Variants in OPHN1 observed in about 807,000 individuals in gnomAD.
The protein encoded by OPHN1 is oligophrenin 1, also known as oligophrenin-1.
Under a neutral mutation model 60.7 loss-of-function variants are expected in OPHN1, and 11 were observed. The ratio of observed to expected loss-of-function variants is 0.18; its 90% confidence interval spans 0.11 to 0.30. The LOEUF (loss-of-function observed/expected upper bound fraction) is 0.30, where lower values mean the gene tolerates loss of function less well. Among genes scored for constraint, OPHN1 ranks in the 10% least tolerant of loss-of-function variants. The probability of loss-of-function intolerance (pLI) is 1.00; values close to 1 mark genes in which losing one functional copy is unlikely to be tolerated. For synonymous variants in OPHN1, 226 were observed against 222.6 expected, an observed-to-expected ratio of 1.02 and a Z score of -0.14; for missense variants, 449 against 611.0, an observed-to-expected ratio of 0.73 and a Z score of 2.80.
intron 2 of OPHN1, among the ~76,000 whole-genome samples, chrX:68,322,339 A>G (rs1316665429): frequency 8.9e-6 from 1 of 111,855 alleles, no homozygotes; most frequent in Non-Finnish European, 1.9e-5. Context: ...ATCCCAGAGA[A>G]AACAAAACAT....
chrX:68,281,154 T>C (rs1308294555), intron 4 of OPHN1, among the ~76,000 whole-genome samples: 2 of 111,949 alleles, frequency 1.8e-5, no homozygotes, highest in African/African-American at 6.5e-5. Flanking sequence ...ACTTCAATGC[T>C]TTTTACTACA....
chrX:68,172,307 C>T (rs2077395278), intron 15 of OPHN1, among the ~76,000 whole-genome samples: 1 of 111,824 alleles, frequency 8.9e-6, no homozygotes, highest in Non-Finnish European at 1.9e-5. Flanking sequence ...ATGGGTATAT[C>T]ATGGATGATT....
intron 3 of OPHN1, among the ~76,000 whole-genome samples, chrX:68,291,584 G>T (rs2078071109): frequency 9.0e-6 from 1 of 111,300 alleles, no homozygotes; most frequent in South Asian, 3.9e-4. Flanking sequence ...ACACTGGGTT[G>T]TGCCCTGCTT....
chrX:68,259,578 T>C (rs773171281), intron 5 of OPHN1, among the ~76,000 whole-genome samples: 6 of 112,169 alleles, frequency 5.3e-5, no homozygotes, highest in African/African-American at 1.3e-4. Context: ...ATGTACTATA[T>C]GTACCAAACT....
intron 21 of OPHN1, among the ~76,000 whole-genome samples, 170 bp downstream of exon 21, chrX:68,063,684 A>C (rs760530019): frequency 8.9e-6 from 1 of 112,244 alleles, no homozygotes; most frequent in South Asian, 3.7e-4. Context: ...TGGAGCTTAC[A>C]TTCTAGTGAT....
chrX:68,295,862 T>A (rs2078092337), intron 3 of OPHN1, among the ~76,000 whole-genome samples: 1 of 111,759 alleles, frequency 8.9e-6, no homozygotes, highest in Non-Finnish European at 1.9e-5. Context: ...TAATGAAAAA[T>A]TTTTAATGAG....
chrX:68,164,551 C>T (rs1031555627), intron 15 of OPHN1, among the ~76,000 whole-genome samples: 5 of 111,808 alleles, frequency 4.5e-5, no homozygotes, highest in South Asian at 3.7e-4. Flanking sequence ...TTCAGTAAAT[C>T]GTGCTGTAAA....
intron 2 of OPHN1, among the ~76,000 whole-genome samples, chrX:68,395,091 G>GAGTA (rs375590308): frequency 4.5e-5 from 5 of 110,047 alleles, no homozygotes; most frequent in African/African-American, 1.7e-4. Flanking sequence ...GAGTAGCTGG[G>GAGTA]ATTACAGGCA....
chrX:68,386,252 CCT>C (rs1024279184), intron 2 of OPHN1, among the ~76,000 whole-genome samples: 1 of 111,091 alleles, frequency 9.0e-6, no homozygotes, highest in African/African-American at 3.3e-5. Flanking sequence ...GCTTTCAGCC[CCT>C]GAGAGAAGAC....
At chrX:68,319,513 A>G (rs1488803394) in intron 2 of OPHN1, among the ~76,000 whole-genome samples, 1 of 111,074 alleles carries the variant, frequency 9.0e-6, no homozygotes, top group Non-Finnish European at 1.9e-5. Context: ...AGGCAGGTGG[A>G]TCACTTGAGC....
intron 2 of OPHN1, among the ~76,000 whole-genome samples, chrX:68,380,307 G>A (rs1160969063): frequency 9.0e-6 from 1 of 110,966 alleles, no homozygotes; most frequent in Non-Finnish European, 1.9e-5. Flanking sequence ...GCATCTATTT[G>A]ATTCTTCTCT....
chrX:68,209,393 T>C (rs1006824629), intron 9 of OPHN1, among the ~76,000 whole-genome samples: 7 of 111,585 alleles, frequency 6.3e-5, no homozygotes, highest in Admixed American at 4.8e-4. Context: ...TAGTGAGACC[T>C]TGTCTCTACA....
At chrX:68,258,593 T>C (rs1310962916) in intron 5 of OPHN1, among the ~76,000 whole-genome samples, 2 of 109,131 alleles carry the variant, frequency 1.8e-5, no homozygotes, top group Non-Finnish European at 3.8e-5. Context: ...GGACATGAAC[T>C]CATCATTTTT....
intron 5 of OPHN1, among the ~76,000 whole-genome samples, chrX:68,256,823 G>T (rs999516210): frequency 7.2e-5 from 8 of 111,240 alleles, no homozygotes; most frequent in Non-Finnish European, 1.5e-4. Flanking sequence ...CTTGAGGTCA[G>T]CAGTTTGAGA....
At chrX:68,060,968 C>G (rs897971748) in intron 21 of OPHN1, among the ~76,000 whole-genome samples, 2 of 111,652 alleles carry the variant, frequency 1.8e-5, no homozygotes, top group Non-Finnish European at 3.8e-5. Flanking sequence ...GAGAAGCAGC[C>G]AGAATCAGGA....
chrX:68,317,638 AG>A (rs2078215024), intron 2 of OPHN1, among the ~76,000 whole-genome samples: 1 of 89,975 alleles, frequency 1.1e-5, no homozygotes, highest in Non-Finnish European at 2.1e-5. Flanking sequence ...AGAAAAGAAA[AG>A]AAAAAGAAGA....
At chrX:68,231,588 C>T (rs2077729325) in intron 6 of OPHN1, among the ~76,000 whole-genome samples, 1 of 111,712 alleles carries the variant, frequency 9.0e-6, no homozygotes. Context: ...CGTGGTACAA[C>T]CAGACAATGG....
chrX:68,125,146 A>T (rs1440605263), intron 15 of OPHN1, among the ~76,000 whole-genome samples: 1 of 111,608 alleles, frequency 9.0e-6, no homozygotes, highest in Non-Finnish European at 1.9e-5. Flanking sequence ...TCTTAAAGCA[A>T]ATGATAATGG....
chrX:68,290,326 C>T (rs181646391), intron 3 of OPHN1, among the ~76,000 whole-genome samples: 1 of 111,032 alleles, frequency 9.0e-6, no homozygotes, highest in South Asian at 3.8e-4. Context: ...GGGCCAGGTG[C>T]TGTGGCTCAC....
Sources: gnomAD v4.1 joint callset for allele counts (sites outside exome capture counted in the v4.1 genomes callset) on GRCh38, gnomAD v4.1.1 for gene constraint, MANE v1.5 for transcripts, NCBI Gene and HGNC (gene_info 2026-07-23, HGNC 2026-07-21) for gene names.